Variants in OSTF1 observed in about 807,000 individuals in gnomAD.
The protein encoded by OSTF1 is osteoclast-stimulating factor 1.
Under a neutral mutation model 37.2 loss-of-function variants are expected in OSTF1, and 27 were observed. The ratio of observed to expected loss-of-function variants is 0.73; its 90% confidence interval spans 0.54 to 1.00. OSTF1 has a LOEUF of 1.00. Among genes scored for constraint, OSTF1 ranks in the 50% least tolerant of loss-of-function variants. The pLI is 0.00. For missense variants in OSTF1, 232 were observed against 253.8 expected (o/e 0.91, Z 0.58); for synonymous variants, 82 against 89.2 (o/e 0.92, Z 0.46).
intron 2 of OSTF1, 62 bp downstream of exon 2, chr9:75,117,612 C>A: frequency 1.7e-6 from 2 of 1,208,112 alleles, no homozygotes; most frequent in Non-Finnish European, 2.4e-6. Flanking sequence ...TTTATTTAGA[C>A]ATTTCCTCTG....
chr9:75,097,585 T>C (rs1045942153), intron 1 of OSTF1, among the ~76,000 whole-genome samples: 3 of 152,158 alleles, frequency 2.0e-5, no homozygotes, highest in African/African-American at 7.2e-5. Flanking sequence ...ACCACATTTT[T>C]TGAGGATCTC....
intron 2 of OSTF1, among the ~76,000 whole-genome samples, chr9:75,121,300 G>A (rs191407232): frequency 6.6e-6 from 1 of 152,238 alleles, no homozygotes; most frequent in East Asian, 1.9e-4. Context: ...GATGGGTTGT[G>A]TATTGATTTA....
chr9:75,103,864 G>T (rs768470606), intron 1 of OSTF1, among the ~76,000 whole-genome samples: 21 of 152,110 alleles, frequency 1.4e-4, no homozygotes, highest in Non-Finnish European at 2.2e-4. Context: ...CAAACTCTTG[G>T]GCTCAAGCAA....
intron 1 of OSTF1, among the ~76,000 whole-genome samples, chr9:75,112,195 A>G (rs1023579580): frequency 6.6e-6 from 1 of 151,208 alleles, no homozygotes; most frequent in Non-Finnish European, 1.5e-5. Context: ...CTTCCCCTTG[A>G]TACTCTGTAA....
At chr9:75,128,363 CAT>C (rs1174174895) in intron 3 of OSTF1, among the ~76,000 whole-genome samples, 446 of 11,484 alleles carry the variant, frequency 0.039, 25 homozygotes, top group Non-Finnish European at 0.047. Flanking sequence ...GTATGAAAGA[CAT>C]ATATATATAT....
intron 7 of OSTF1, among the ~76,000 whole-genome samples, chr9:75,136,584 G>T (rs867757972): frequency 9.2e-5 from 14 of 152,248 alleles, no homozygotes; most frequent in Non-Finnish European, 1.5e-5. Context: ...TAGAGACGGG[G>T]TTTCACCACG....
chr9:75,137,501 A>G (rs1290098386), intron 7 of OSTF1, 37 bp from the exon 8 acceptor site: 3 of 1,356,572 alleles, frequency 2.2e-6, no homozygotes, highest in Admixed American at 1.7e-5. Flanking sequence ...TCCACCCTCT[A>G]TCTTAAAAAT....
At chr9:75,093,543 T>C (rs1261882455) in intron 1 of OSTF1, among the ~76,000 whole-genome samples, 5 of 152,172 alleles carry the variant, frequency 3.3e-5, no homozygotes, top group Non-Finnish European at 4.4e-5. Flanking sequence ...GTGGTGAAAG[T>C]AAAGCATAAA....
chr9:75,110,004 A>G (rs1825356512), intron 1 of OSTF1, among the ~76,000 whole-genome samples: 1 of 152,294 alleles, frequency 6.6e-6, no homozygotes, highest in African/African-American at 2.4e-5. Flanking sequence ...TAGCCCCTCC[A>G]TTATCAACAT....
chr9:75,144,489 C>A (rs760279793), intron 9 of OSTF1, among the ~76,000 whole-genome samples: 3 of 152,130 alleles, frequency 2.0e-5, no homozygotes, highest in Non-Finnish European at 4.4e-5. Flanking sequence ...AAAGTCAAGG[C>A]TGCAGTGAGC....
At chr9:75,144,537 A>G (rs1411875584) in intron 9 of OSTF1, among the ~76,000 whole-genome samples, 1 of 152,100 alleles carries the variant, frequency 6.6e-6, no homozygotes. Context: ...GGGTGACAGA[A>G]TGAGATCCAG....
chr9:75,093,367 C>G (rs1305178124), intron 1 of OSTF1, among the ~76,000 whole-genome samples: 1 of 152,076 alleles, frequency 6.6e-6, no homozygotes, highest in Admixed American at 6.6e-5. Flanking sequence ...CTTGTAAAAT[C>G]TTTTTAAAAA....
chr9:75,146,841 A>G lies in OSTF1; in HGVS notation c.*100A>G. The stretch of plus-strand genomic sequence containing the variant: ...TGTTGGTAACTATAAAGAAAATTAT[A>G]TATGAACACGGCAGTGTTGCACTGT... On this transcript the variant is annotated 3_prime_UTR_variant, in exon 10 of 10. Coordinates refer to ENST00000346234, the MANE Select transcript of OSTF1 (RefSeq NM_012383.5). 1.3e-6 allele frequency: 1 copy of G among 783,968 alleles called. No individual in the cohort carries two copies. Among genetic ancestry groups the G allele is most frequent in the Non-Finnish European group, 2.1e-6 (1 of 465,920 alleles). 48.6% of individuals were successfully genotyped at this position (783,968 alleles called of 1,614,324 possible). A position where few individuals can be genotyped will look rare whatever the true frequency, so the allele number is the denominator to read the frequency against.
chr9:75,133,124 TG>T (rs899851651), intron 5 of OSTF1, among the ~76,000 whole-genome samples, 169 bp from the exon 6 acceptor site: 103 of 152,294 alleles, frequency 6.8e-4, no homozygotes, highest in African/African-American at 2.4e-3. Context: ...ATTAATAAGC[TG>T]GAAGTCAAAA....
At chr9:75,142,769 A>G (rs1312614924) in intron 9 of OSTF1, among the ~76,000 whole-genome samples, 1 of 152,076 alleles carries the variant, frequency 6.6e-6, no homozygotes, top group Non-Finnish European at 1.5e-5. Context: ...ATGAGTTTTT[A>G]TATTTCAATT....
intron 7 of OSTF1, among the ~76,000 whole-genome samples, chr9:75,135,110 G>A (rs1454306640): frequency 6.6e-6 from 1 of 152,110 alleles, no homozygotes; most frequent in Non-Finnish European, 1.5e-5. Context: ...CTGCCATGTT[G>A]CATCTTCATT....
At chr9:75,127,448 G>C (rs1281305351) in intron 2 of OSTF1, 121 bp from the exon 3 acceptor site, 2 of 530,596 alleles carry the variant, frequency 3.8e-6, no homozygotes, top group Non-Finnish European at 6.7e-6. Flanking sequence ...TATGGCTTAT[G>C]TGCTGATTTA....
intron 1 of OSTF1, among the ~76,000 whole-genome samples, chr9:75,091,076 C>T (rs1300022861): frequency 7.4e-6 from 1 of 135,680 alleles, no homozygotes; most frequent in Non-Finnish European, 1.5e-5. Context: ...GCTTTGAAGT[C>T]TGCACTTTTT....
chr9:75,137,618 TA>T lies in OSTF1; in HGVS notation c.487+5del. The T allele has an allele frequency of 6.2e-7, 1 of 1,602,314 alleles. No individual in the cohort carries two copies. Among genetic ancestry groups the T allele is most frequent in the African/African-American group, 1.3e-5 (1 of 74,826 alleles). On this transcript the variant is annotated splice_donor_region_variant and intron_variant, in intron 8 of 9. Transcript: ENST00000346234. ...TCGTCCAGTTGCTTCTGGCAAAAGG[TA>T]AAGTTTGTGCTGAGTTTATCTGGTC...
Sources: allele counts gnomAD v4.1 joint callset (sites outside exome capture counted in the v4.1 genomes callset), GRCh38; gene constraint gnomAD v4.1.1; transcripts MANE v1.5; gene names NCBI Gene and HGNC (gene_info 2026-07-23, HGNC 2026-07-21).